EGFR: variants seen among roughly 807,000 people sequenced by gnomAD.
EGFR encodes avian erythroblastic leukemia viral (v-erb-b) oncogene homolog.
EGFR carries 58 observed loss-of-function variants against 143.0 expected under a neutral mutation model. The ratio of observed to expected loss-of-function variants is 0.41; its 90% CI spans 0.33 to 0.50. The LOEUF is 0.50. Among genes scored for constraint, EGFR ranks in the 20% least tolerant of loss-of-function variants. The pLI is 0.39. For missense variants in EGFR, 1,307 were observed against 1,579.0 expected, an observed-to-expected ratio of 0.83 and a Z score of 2.92; for synonymous variants, 613 against 594.4, an observed-to-expected ratio of 1.03 and a Z score of -0.45.
chr7:55,150,584 T>C (rs1012308093), intron 4 of EGFR, among the ~76,000 whole-genome samples: 13 of 152,196 alleles, frequency 8.5e-5, no homozygotes, highest in Non-Finnish European at 1.5e-4. Flanking sequence ...TTTAACAAAT[T>C]TGGTGGTTAA....
At chr7:55,103,657 C>T (rs1275195543) in intron 1 of EGFR, among the ~76,000 whole-genome samples, 1 of 152,156 alleles carries the variant, frequency 6.6e-6, no homozygotes, top group Admixed American at 6.5e-5. Context: ...AGAATGATGT[C>T]GTGGGTGTTT....
At chr7:55,121,011 G>A (rs371193668) in intron 1 of EGFR, among the ~76,000 whole-genome samples, 1 of 152,170 alleles carries the variant, frequency 6.6e-6, no homozygotes, top group Non-Finnish European at 1.5e-5. Context: ...AGGGGAAAGA[G>A]ATAAGTGGAT....
rs554757604 is a variant in EGFR at position 55,035,931 on chromosome 7, TTATC to T, written c.88+16569_88+16572del. On this transcript the variant is annotated intron_variant, in intron 1 of 27. Coordinates refer to ENST00000275493, the MANE Select transcript of EGFR (RefSeq NM_005228.5). The stretch of plus-strand genomic sequence containing the variant: ...GTTTTGTATATTTATTTTGATATCA[TTATC>T]TAAGTTTGACATCATTATCTAATAT... Among the ~76,000 whole-genome samples the T allele has an allele frequency of 1.7e-3, 266 of 152,228 alleles. 1 individual carries two copies. The highest frequency in any genetic ancestry group is 3.4e-3 in the Middle Eastern group (1 of 294).
rs145229182 is a variant in EGFR at position 55,185,284 on chromosome 7, G to A, written c.2469+3806G>A. 8.5e-5 allele frequency among the ~76,000 whole-genome samples: 13 copies of A among 152,246 alleles called. No homozygotes were observed. In the South Asian group the frequency reaches 1.7e-3, roughly 19 times the overall value. ...ATGCAAAACCATCTCAGGAGCTTGC[G>A]GAGACACCACTTGCTTACTAGCCAG... On this transcript the variant is annotated intron_variant, in intron 20 of 27. Transcript: ENST00000275493.
intron 4 of EGFR, among the ~76,000 whole-genome samples, chr7:55,148,328 G>A (rs1794873589): frequency 6.6e-6 from 1 of 151,960 alleles, no homozygotes; most frequent in African/African-American, 2.4e-5. Context: ...CCATGGATCA[G>A]GTCAGGCAGC....
At chr7:55,137,612 G>A (rs971328071) in intron 1 of EGFR, among the ~76,000 whole-genome samples, 7 of 152,168 alleles carry the variant, frequency 4.6e-5, no homozygotes, top group African/African-American at 1.7e-4. Context: ...TGTCCAACAA[G>A]AATGCACAGA....
At position 55,128,009 on chromosome 7, in the gene EGFR, A is replaced by G. The variant is rs375787692; in HGVS notation, c.89-14277A>G. Among the ~76,000 whole-genome samples the G allele has an allele frequency of 1.1e-4, 17 of 152,338 alleles. No individual in the cohort carries two copies. The East Asian group carries it at 1.3e-3, about 12-fold the overall frequency. On this transcript the variant is annotated intron_variant, in intron 1 of 27. Coordinates refer to ENST00000275493, the MANE Select transcript of EGFR (RefSeq NM_005228.5). ...GGCAGCCAGAGAAGCCAGAGTTGGC[A>G]CAGGAACCAAAACAAAGGCTTCCCA...
In EGFR at chr7:55,147,406, G is replaced by A. The variant is rs140488455; in HGVS notation, c.559+666G>A. ...CCCTGGGCTGCGCCCGTTCCTGATCGCTTGGACTTTCTGTTCTTTAGAGTA... is the reference window on the plus strand; with the variant it reads ...CCCTGGGCTGCGCCCGTTCCTGATCACTTGGACTTTCTGTTCTTTAGAGTA... On this transcript the variant is annotated intron_variant, in intron 4 of 27. Transcript: ENST00000275493. Among the ~76,000 whole-genome samples the A allele has an allele frequency of 2.7e-3, 416 of 152,070 alleles. 1 individual carries two copies. The highest frequency in any genetic ancestry group is 4.2e-3 in the Non-Finnish European group (283 of 67,992).
chr7:55,125,441 G>A (rs1044644663), intron 1 of EGFR, among the ~76,000 whole-genome samples: 1 of 152,200 alleles, frequency 6.6e-6, no homozygotes. Context: ...TGTCACCAGG[G>A]CACTGCCAGA....
Position 55,019,196 on chromosome 7 carries a change from A to G in EGFR, c.-82A>G, listed in dbSNP as rs1786358956. 8.3e-7 allele frequency: 1 copy of G among 1,199,454 alleles called. No homozygotes were observed. The highest frequency in any genetic ancestry group is 1.1e-6 in the Non-Finnish European group (1 of 884,594). The allele number at this position is 1,199,454 out of a possible 1,614,324, so 74.3% of individuals were successfully genotyped here. A position where few individuals can be genotyped will look rare whatever the true frequency, so the allele number is the denominator to read the frequency against. On this transcript the variant is annotated 5_prime_UTR_variant, in exon 1 of 28. Coordinates refer to ENST00000275493, the MANE Select transcript of EGFR (RefSeq NM_005228.5). ...CGCCCGAGTCCCCGCCTCGCCGCCA[A>G]CGCCACAACCACCGCGCACGGCCCC... is the stretch of plus-strand genomic sequence containing the variant.
rs754581841 is a variant in EGFR at position 55,152,500 on chromosome 7, C to G, written c.629-46C>G. ...CTCTGCGACATCCCTGGGAAATGAT[C>G]CTACCCTCACTCTTCAGCTCACAGG... On this transcript the variant is annotated intron_variant, in intron 5 of 27. Transcript: ENST00000275493. 4.5e-5 allele frequency: 70 copies of G among 1,545,714 alleles called. No homozygotes were observed. The East Asian group carries it at 1.5e-3, about 32-fold the overall frequency.
In EGFR at chr7:55,158,656, A is replaced by G. The variant is rs1028376262; in HGVS notation, c.1298+903A>G. 6.6e-5 allele frequency among the ~76,000 whole-genome samples: 10 copies of G among 152,350 alleles called. No individual in the cohort carries two copies. In the East Asian group the frequency reaches 1.9e-3, roughly 29 times the overall value. On this transcript the variant is annotated intron_variant, in intron 11 of 27. Coordinates refer to ENST00000275493, the MANE Select transcript of EGFR (RefSeq NM_005228.5). ...AGTTGGCTTAGTTGTAGGGATTTAA[A>G]CAAGATAAGGGTTACTTACTTTTCA...
chr7:55,172,339 A>G (rs1786389564), intron 16 of EGFR, among the ~76,000 whole-genome samples: 1 of 152,220 alleles, frequency 6.6e-6, no homozygotes, highest in African/African-American at 2.4e-5. Context: ...CTGGAACTAG[A>G]CATGACCTCT....
At chr7:55,078,106 T>C (rs1790234344) in intron 1 of EGFR, among the ~76,000 whole-genome samples, 1 of 152,176 alleles carries the variant, frequency 6.6e-6, no homozygotes, top group South Asian at 2.1e-4. Flanking sequence ...TTCTGGGCAC[T>C]GTGCAGGGTT....
rs55959834 is a variant in EGFR at position 55,174,034 on chromosome 7, G to C, written c.2175G>C (p.Thr725=). ...TGCTGGGCTCCGGTGCGTTCGGCAC[G>C]GTGTATAAGGTAAGGTCCCTGGCAC... ...IKVLGSGAFG[T]VYKGLWIPEG... The change falls in exon 18 of 28, where the codon ACG becomes ACC. Residue 725 remains threonine (T), a synonymous_variant. Transcript: ENST00000275493. 6.2e-7 allele frequency: 1 copy of C among 1,614,216 alleles called. No homozygotes were observed. The highest frequency in any genetic ancestry group is 8.5e-7 in the Non-Finnish European group (1 of 1,180,036).
chr7:55,051,275 A>T (rs1170865091), intron 1 of EGFR, among the ~76,000 whole-genome samples: 1 of 152,124 alleles, frequency 6.6e-6, no homozygotes, highest in Non-Finnish European at 1.5e-5. Flanking sequence ...TGGTTTGAAT[A>T]TGTCCCTCAA....
At chr7:55,193,447 C>T (rs1388741237) in intron 22 of EGFR, among the ~76,000 whole-genome samples, 2 of 152,128 alleles carry the variant, frequency 1.3e-5, no homozygotes, top group African/African-American at 2.4e-5. Flanking sequence ...TCACGAGGGC[C>T]GCTCTCCTCA....
At chr7:55,108,783 C>T (rs1464152645) in intron 1 of EGFR, among the ~76,000 whole-genome samples, 1 of 152,132 alleles carries the variant, frequency 6.6e-6, no homozygotes, top group Non-Finnish European at 1.5e-5. Flanking sequence ...CTGTAGGACT[C>T]CAGGTGGCAG....
chr7:55,093,945 T>C (rs1791286833), intron 1 of EGFR, among the ~76,000 whole-genome samples: 1 of 152,128 alleles, frequency 6.6e-6, no homozygotes, highest in Non-Finnish European at 1.5e-5. Flanking sequence ...ATTGGCCTCG[T>C]AAAGCATCAG....
Sources: gnomAD v4.1 joint callset for allele counts (sites outside exome capture counted in the v4.1 genomes callset) on GRCh38, gnomAD v4.1.1 for gene constraint, MANE v1.5 for transcripts, NCBI Gene and HGNC (gene_info 2026-07-23, HGNC 2026-07-21) for gene names.